The following ZNF442 variants were observed in gnomAD, a reference collection of about 807,000 sequenced individuals.
ZNF442 encodes zinc finger protein 442.
In ZNF442, 45 loss-of-function variants were observed where a neutral mutation model predicts 57.0. The observed-to-expected ratio is 0.79, with a 90% CI of 0.62 to 1.01. ZNF442 has a LOEUF of 1.01. ZNF442 is among the 50% of genes least tolerant of loss of function. ZNF442 has a pLI of 0.00. For missense variants in ZNF442, 690 were observed against 756.5 expected (o/e 0.91, Z 1.03); for synonymous variants, 213 against 241.8 (o/e 0.88, Z 1.10).
At position 12,365,564 on chromosome 19, in the gene ZNF442, TC is replaced by T; in HGVS notation, c.-515del. On this transcript the variant is annotated 5_prime_UTR_variant, in exon 1 of 6. The change creates a premature stop within an existing upstream ORF in the 5' untranslated region. Transcript: ENST00000242804. ...CCGGCTTCCGCGGTGTCCCGTGTTC[TC>T]CCCAAGGTTCCCCGCTGCCAGCATA... 2.3e-6 allele frequency: 1 copy of T among 436,876 alleles called. No homozygotes were observed. 27.1% of individuals were successfully genotyped at this position (436,876 alleles called of 1,614,324 possible).
intron 3 of ZNF442, among the ~76,000 whole-genome samples, chr19:12,359,548 A>T (rs760786675): frequency 6.6e-6 from 1 of 152,166 alleles, no homozygotes; most frequent in Non-Finnish European, 1.5e-5. Context: ...CATCTAAAGA[A>T]AACTTTGCTT....
chr19:12,362,643 C>T lies in ZNF442; in HGVS notation c.78+911G>A, dbSNP rs548493123. 4.0e-3 allele frequency among the ~76,000 whole-genome samples: 553 copies of T among 138,784 alleles called. 2 individuals carry two copies. The highest frequency in any genetic ancestry group is 0.018 in the African/African-American group (529 of 29,290). 91.0% of individuals were successfully genotyped at this position (138,784 alleles called of 152,430 possible). The stretch of plus-strand genomic sequence containing the variant: ...CCCCTCCGGGAGGTGGGGGGCGCCT[C>T]TGCCCGGCCGCCCCGTCTGGGAGGT... On this transcript the variant is annotated intron_variant, in intron 3 of 5. Coordinates refer to ENST00000242804, the MANE Select transcript of ZNF442 (RefSeq NM_030824.3).
chr19:12,357,151 T>C (rs1314931932), intron 3 of ZNF442, among the ~76,000 whole-genome samples: 1 of 152,164 alleles, frequency 6.6e-6, no homozygotes, highest in African/African-American at 2.4e-5. Context: ...CTTTCATCTC[T>C]TCATGTCTTT....
chr19:12,363,158 CAAAAAA>C (rs886442784), intron 3 of ZNF442, among the ~76,000 whole-genome samples: 5 of 60,670 alleles, frequency 8.2e-5, no homozygotes, highest in African/African-American at 3.1e-4. Context: ...AGCTCCGTCT[CAAAAAA>C]AAAAAAAAAA....
chr19:12,361,417 C>T (rs561680119), intron 3 of ZNF442, among the ~76,000 whole-genome samples: 5 of 152,232 alleles, frequency 3.3e-5, no homozygotes, highest in African/African-American at 1.2e-4. Context: ...CTAAATTCCC[C>T]ACCCTAAAAA....
intron 3 of ZNF442, among the ~76,000 whole-genome samples, chr19:12,361,715 GTCTCCC>G (rs144978244): frequency 0.048 from 6,320 of 130,668 alleles, 208 homozygotes; most frequent in Admixed American, 0.12. Flanking sequence ...TGTCCCCACG[GTCTCCC>G]TCTCCCTCTC....
chr19:12,360,451 G>A (rs1026795361), intron 3 of ZNF442, among the ~76,000 whole-genome samples: 3 of 152,190 alleles, frequency 2.0e-5, no homozygotes, highest in Non-Finnish European at 4.4e-5. Flanking sequence ...CCCTTTGCAG[G>A]CTCCAGACTG....
the ZNF442 span, among the ~76,000 whole-genome samples, chr19:12,371,443 T>A: frequency 2.0e-5 from 3 of 152,318 alleles, no homozygotes; most frequent in South Asian, 6.2e-4. Context: ...TCCTAGACAG[T>A]TGTGAAAACA....
chr19:12,364,239 C>T (rs769821462), intron 2 of ZNF442, among the ~76,000 whole-genome samples: 3 of 151,732 alleles, frequency 2.0e-5, no homozygotes, highest in Non-Finnish European at 2.9e-5. Context: ...AACCCCGTCG[C>T]TACTAAAAAT....
At chr19:12,367,322 G>T (rs1264615735), upstream of ZNF442, among the ~76,000 whole-genome samples, 2 of 152,158 alleles carry the variant, frequency 1.3e-5, no homozygotes, top group Non-Finnish European at 2.9e-5. Flanking sequence ...AGGGGAGGGG[G>T]TGTACGAACA....
At position 12,363,636 on chromosome 19, in the gene ZNF442, C is replaced by T. The variant is rs750407944; in HGVS notation, c.-5G>A. The stretch of plus-strand genomic sequence containing the variant: ...TTCTCCCCCAAATACAATCATTCAA[C>T]TGGCTGACCAGCCGTGTGTCCCCAA... On this transcript the variant is annotated 5_prime_UTR_variant, in exon 3 of 6. Transcript: ENST00000242804. The T allele has an allele frequency of 1.9e-6, 3 of 1,614,040 alleles. No homozygotes were observed. The highest frequency in any genetic ancestry group is 3.3e-5 in the Admixed American group (2 of 60,036).
chr19:12,365,944 T>G (rs1356862333), upstream of ZNF442: 6 of 152,474 alleles, frequency 3.9e-5, no homozygotes. Flanking sequence ...GGGCTCTTCC[T>G]GCTCCTTCTT....
chr19:12,371,416 A>G, the ZNF442 span, among the ~76,000 whole-genome samples: 2 of 152,244 alleles, frequency 1.3e-5, no homozygotes, highest in East Asian at 3.8e-4. Context: ...TTGGAGTAAT[A>G]TTATATACTT....
the ZNF442 span, among the ~76,000 whole-genome samples, chr19:12,373,319 T>A: frequency 2.0e-5 from 3 of 152,142 alleles, no homozygotes; most frequent in East Asian, 5.8e-4. Context: ...GTGGGTGGAT[T>A]GCTTGAGTTA....
chr19:12,359,813 A>T (rs1208396565), intron 3 of ZNF442, among the ~76,000 whole-genome samples: 1 of 152,006 alleles, frequency 6.6e-6, no homozygotes, highest in Non-Finnish European at 1.5e-5. Context: ...CCTCATCTCT[A>T]CAAAAATACA....
intron 3 of ZNF442, among the ~76,000 whole-genome samples, chr19:12,360,196 T>C (rs1969400133): frequency 6.6e-6 from 1 of 152,196 alleles, no homozygotes; most frequent in Non-Finnish European, 1.5e-5. Context: ...ACTTGATGCT[T>C]TCCCGTTTTG....
chr19:12,355,313 C>A, intron 3 of ZNF442, among the ~76,000 whole-genome samples: 1 of 145,788 alleles, frequency 6.9e-6, no homozygotes, highest in Admixed American at 6.8e-5. Context: ...AAAAGAAAGA[C>A]AAAACTAGTA....
At chr19:12,373,429 C>A in the ZNF442 span, among the ~76,000 whole-genome samples, 1 of 152,128 alleles carries the variant, frequency 6.6e-6, no homozygotes, top group Non-Finnish European at 1.5e-5. Context: ...ATAGTCCCAG[C>A]TACTTGGGAG....
intron 3 of ZNF442, among the ~76,000 whole-genome samples, chr19:12,357,734 T>A (rs1432713514): frequency 6.6e-6 from 1 of 152,094 alleles, no homozygotes. Flanking sequence ...ATGTTGTTTG[T>A]ACATATTCAC....
Sources: allele counts gnomAD v4.1 joint callset (sites outside exome capture counted in the v4.1 genomes callset), GRCh38; gene constraint gnomAD v4.1.1; transcripts MANE v1.5; gene names NCBI Gene and HGNC (gene_info 2026-07-23, HGNC 2026-07-21).